MALRD1: variants seen among roughly 807,000 people sequenced by gnomAD.
MALRD1 encodes MAM and LDL-receptor class A domain-containing protein 1.
MALRD1 carries 247 observed loss-of-function variants against 242.1 expected under a neutral mutation model. The observed-to-expected ratio is 1.02, with a 90% CI of 0.92 to 1.13. The LOEUF (loss-of-function observed/expected upper bound fraction) is 1.13, where lower values mean the gene tolerates loss of function less well. Among genes scored for constraint, MALRD1 ranks in the 50% most tolerant of loss-of-function variants. The pLI, the probability that MALRD1 is intolerant of heterozygous loss-of-function variation, is 0.00. For synonymous variants in MALRD1, 995 were observed against 866.6 expected, an observed-to-expected ratio of 1.15 and a Z score of -2.60; for missense variants, 2,989 against 2,533.1, an observed-to-expected ratio of 1.18 and a Z score of -3.86.
At chr10:19,251,396 A>T (rs1293090547) in intron 18 of MALRD1, among the ~76,000 whole-genome samples, 1 of 152,000 alleles carries the variant, frequency 6.6e-6, no homozygotes, top group Non-Finnish European at 1.5e-5. Flanking sequence ...ATGGGCAGAC[A>T]TGCCAGCAGC....
At chr10:19,199,801 C>CAAAT (rs1348335532) in intron 14 of MALRD1, among the ~76,000 whole-genome samples, 6 of 138,290 alleles carry the variant, frequency 4.3e-5, no homozygotes, top group East Asian at 2.0e-4. Context: ...ACTCTGTCTC[C>CAAAT]AAATAAATAA....
At chr10:19,511,640 T>A (rs11812935) in intron 31 of MALRD1, among the ~76,000 whole-genome samples, 1 of 152,022 alleles carries the variant, frequency 6.6e-6, no homozygotes, top group African/African-American at 2.4e-5. Flanking sequence ...TATAGAAGAA[T>A]CAAACCTGCA....
chr10:19,149,759 A>G lies in MALRD1; in HGVS notation c.1558+3415A>G, dbSNP rs559849356. Among the ~76,000 whole-genome samples the G allele has an allele frequency of 3.3e-5, 5 of 152,270 alleles. No individual in the cohort carries two copies. The South Asian group carries it at 8.3e-4, about 25-fold the overall frequency. ...CACTGAGTTCTGACATACATACACA[A>G]TTGTGTAACCATCACAAAAATGAAG... is the stretch of plus-strand genomic sequence containing the variant. On this transcript the variant is annotated intron_variant, in intron 11 of 39. Transcript: ENST00000454679.
intron 25 of MALRD1, among the ~76,000 whole-genome samples, chr10:19,350,906 G>T (rs1844345688): frequency 6.6e-6 from 1 of 152,098 alleles, no homozygotes; most frequent in South Asian, 2.1e-4. Flanking sequence ...AATGAGTCAT[G>T]GTACCCAAGT....
intron 36 of MALRD1, among the ~76,000 whole-genome samples, chr10:19,629,371 T>C (rs912986848): frequency 6.6e-6 from 1 of 152,142 alleles, no homozygotes; most frequent in African/African-American, 2.4e-5. Context: ...AAGTAGATAT[T>C]TCTGTCCTCC....
intron 28 of MALRD1, among the ~76,000 whole-genome samples, chr10:19,427,030 G>A (rs1462334275): frequency 6.6e-6 from 1 of 152,134 alleles, no homozygotes; most frequent in African/African-American, 2.4e-5. Flanking sequence ...ACCTAAGTCA[G>A]TGCACTACAA....
intron 31 of MALRD1, among the ~76,000 whole-genome samples, chr10:19,529,080 C>T (rs1433049469): frequency 6.6e-6 from 1 of 152,144 alleles, no homozygotes; most frequent in African/African-American, 2.4e-5. Context: ...CCTTCAGGAG[C>T]CCTCCCACAT....
intron 31 of MALRD1, among the ~76,000 whole-genome samples, chr10:19,505,569 C>G (rs1311025921): frequency 2.6e-5 from 4 of 152,178 alleles, no homozygotes; most frequent in Admixed American, 2.6e-4. Context: ...AAATAAATTT[C>G]TGTCGTTTAA....
chr10:19,462,136 C>T (rs753772321), intron 29 of MALRD1, among the ~76,000 whole-genome samples: 1 of 152,064 alleles, frequency 6.6e-6, no homozygotes, highest in African/African-American at 2.4e-5. Flanking sequence ...ATCATATTCA[C>T]TATGTCTTAT....
At chr10:19,125,267 C>G (rs1384080344) in intron 7 of MALRD1, among the ~76,000 whole-genome samples, 16 of 135,000 alleles carry the variant, frequency 1.2e-4, no homozygotes, top group African/African-American at 4.6e-4. Flanking sequence ...CTCTTTCTTT[C>G]TCTTTCTTTC....
chr10:19,256,556 A>G (rs1487817421), intron 18 of MALRD1, among the ~76,000 whole-genome samples: 4 of 152,092 alleles, frequency 2.6e-5, no homozygotes, highest in South Asian at 2.1e-4. Context: ...TGTTCAAACA[A>G]TGTCAGGGGG....
intron 21 of MALRD1, among the ~76,000 whole-genome samples, chr10:19,310,192 C>T (rs1272965055): frequency 6.6e-6 from 1 of 151,344 alleles, no homozygotes; most frequent in African/African-American, 2.4e-5. Context: ...ATAAAAGAGA[C>T]AGGAAATGAA....
intron 8 of MALRD1, among the ~76,000 whole-genome samples, chr10:19,132,579 G>A (rs1319589099): frequency 6.6e-6 from 1 of 152,176 alleles, no homozygotes; most frequent in African/African-American, 2.4e-5. Flanking sequence ...ATGTGAGGCT[G>A]AGTGAGGACA....
At chr10:19,385,646 C>T (rs1422940285) in intron 26 of MALRD1, among the ~76,000 whole-genome samples, 1 of 151,968 alleles carries the variant, frequency 6.6e-6, no homozygotes, top group African/African-American at 2.4e-5. Flanking sequence ...GTTCATCTAG[C>T]TAAGTGTCTG....
At chr10:19,413,563 G>GAA (rs35885572) in intron 28 of MALRD1, among the ~76,000 whole-genome samples, 1,649 of 150,620 alleles carry the variant, frequency 0.011, 23 homozygotes, top group African/African-American at 0.034. Flanking sequence ...TTTTAATCAT[G>GAA]AAAAAAAAAG....
At chr10:19,143,446 G>C (rs948404078) in intron 10 of MALRD1, among the ~76,000 whole-genome samples, 2 of 152,174 alleles carry the variant, frequency 1.3e-5, no homozygotes, top group African/African-American at 4.8e-5. Context: ...GAACATTGCT[G>C]TTTGCATGGA....
At chr10:19,460,890 C>T (rs1835905882) in intron 29 of MALRD1, among the ~76,000 whole-genome samples, 1 of 152,130 alleles carries the variant, frequency 6.6e-6, no homozygotes, top group Non-Finnish European at 1.5e-5. Context: ...TCCGGGAATT[C>T]CTGTATGACT....
At chr10:19,465,265 A>G (rs1246682011) in intron 29 of MALRD1, among the ~76,000 whole-genome samples, 1 of 152,034 alleles carries the variant, frequency 6.6e-6, no homozygotes, top group Non-Finnish European at 1.5e-5. Flanking sequence ...AAGTGGTGAG[A>G]GTGGGCATCC....
Position 19,103,973 on chromosome 10 carries a change from G to T in MALRD1, c.598-6G>T. 8.1e-7 allele frequency: 1 copy of T among 1,231,558 alleles called. No individual in the cohort carries two copies. 76.3% of individuals were successfully genotyped at this position (1,231,558 alleles called of 1,614,324 possible). ...TGTTTTGTTTTGTTTTGTTTTTCTG[G>T]TGCAGGTTGTTTTTGAAGGTCAAAT... is the stretch of plus-strand genomic sequence containing the variant. On this transcript the variant is annotated splice_region_variant and splice_polypyrimidine_tract_variant and intron_variant, in intron 4 of 39. Coordinates refer to ENST00000454679, the MANE Select transcript of MALRD1 (RefSeq NM_001142308.3).
Sources: gnomAD v4.1 joint callset for allele counts (sites outside exome capture counted in the v4.1 genomes callset) on GRCh38, gnomAD v4.1.1 for gene constraint, MANE v1.5 for transcripts, NCBI Gene and HGNC (gene_info 2026-07-23, HGNC 2026-07-21) for gene names.